Variants in PCDH15 observed in about 807,000 individuals in gnomAD.
PCDH15 encodes protocadherin-15.
Under a neutral mutation model 178.5 loss-of-function variants are expected in PCDH15, and 129 were observed. The observed-to-expected ratio is 0.72, with a 90% CI of 0.63 to 0.84. The LOEUF is 0.84. Among genes scored for constraint, PCDH15 ranks in the 40% least tolerant of loss-of-function variants. The pLI is 0.00. For missense variants in PCDH15, 2,230 were observed against 2,099.9 expected (o/e 1.06, Z -1.21); for synonymous variants, 800 against 732.0 (o/e 1.09, Z -1.50).
At chr10:54,440,414 T>C (rs1194126069) in intron 3 of PCDH15, among the ~76,000 whole-genome samples, 4 of 152,118 alleles carry the variant, frequency 2.6e-5, no homozygotes, top group East Asian at 1.9e-4. Flanking sequence ...TGAAATGACA[T>C]CATTTATCAT....
intron 3 of PCDH15, among the ~76,000 whole-genome samples, chr10:54,445,286 C>T (rs1337613255): frequency 6.6e-6 from 1 of 151,028 alleles, no homozygotes; most frequent in Non-Finnish European, 1.5e-5. Context: ...CCAAACTATA[C>T]AGGAAATGAA....
intron 3 of PCDH15, among the ~76,000 whole-genome samples, chr10:54,488,869 T>G (rs1337586142): frequency 6.6e-6 from 1 of 151,924 alleles, no homozygotes; most frequent in Non-Finnish European, 1.5e-5. Flanking sequence ...TTCCCAAGAG[T>G]AGGTTAGTTT....
chr10:54,168,902 T>A (rs371109941), intron 13 of PCDH15, among the ~76,000 whole-genome samples: 8 of 150,296 alleles, frequency 5.3e-5, no homozygotes, highest in South Asian at 4.2e-4. Context: ...AATAGAAAAA[T>A]GTTGCAATTC....
chr10:55,487,557 A>C (rs1157646723), intron 2 of PCDH15, among the ~76,000 whole-genome samples: 1 of 151,604 alleles, frequency 6.6e-6, no homozygotes, highest in Non-Finnish European at 1.5e-5. Context: ...GCCAGCAGTC[A>C]CAACTTTCTT....
intron 2 of PCDH15, among the ~76,000 whole-genome samples, chr10:55,609,046 G>A (rs894894151): frequency 2.7e-4 from 35 of 128,836 alleles, no homozygotes; most frequent in South Asian, 8.4e-4. Flanking sequence ...ACACACACAC[G>A]CACACACATA....
At chr10:54,867,224 T>C (rs1469650654) in intron 3 of PCDH15, among the ~76,000 whole-genome samples, 4 of 152,124 alleles carry the variant, frequency 2.6e-5, no homozygotes, top group African/African-American at 4.8e-5. Context: ...TTCCGTGGTA[T>C]AGTGTTGTGC....
At chr10:55,069,202 G>C (rs1841652059) in intron 2 of PCDH15, among the ~76,000 whole-genome samples, 1 of 144,694 alleles carries the variant, frequency 6.9e-6, no homozygotes, top group Admixed American at 6.9e-5. Flanking sequence ...CACCCAGACT[G>C]TATTATCTTT....
chr10:55,488,304 T>C (rs921165406), intron 2 of PCDH15, among the ~76,000 whole-genome samples: 1 of 151,618 alleles, frequency 6.6e-6, no homozygotes, highest in Non-Finnish European at 1.5e-5. Flanking sequence ...ATTTTCTCAA[T>C]AAACAACAAT....
At chr10:54,618,692 G>A (rs1016997478) in intron 2 of PCDH15, among the ~76,000 whole-genome samples, 3 of 151,982 alleles carry the variant, frequency 2.0e-5, no homozygotes, top group African/African-American at 7.2e-5. Flanking sequence ...GGCTATGTGG[G>A]CACCAGTGGA....
At chr10:55,088,075 A>C (rs2132032766) in intron 2 of PCDH15, among the ~76,000 whole-genome samples, 1 of 152,252 alleles carries the variant, frequency 6.6e-6, no homozygotes, top group African/African-American at 2.4e-5. Flanking sequence ...ACCAAATATT[A>C]ATTGTCTGGC....
At chr10:54,774,524 C>T (rs1286039676) in intron 1 of PCDH15, among the ~76,000 whole-genome samples, 2 of 152,124 alleles carry the variant, frequency 1.3e-5, no homozygotes, top group Non-Finnish European at 2.9e-5. Context: ...CACACAAGCA[C>T]ACATACATAC....
At chr10:54,238,690 C>CAA (rs2054903907) in intron 8 of PCDH15, among the ~76,000 whole-genome samples, 1 of 151,324 alleles carries the variant, frequency 6.6e-6, no homozygotes, top group Non-Finnish European at 1.5e-5. Context: ...CACACACACA[C>CAA]ACACACACAC....
upstream of PCDH15, among the ~76,000 whole-genome samples, chr10:54,801,804 G>A: frequency 6.6e-6 from 1 of 152,020 alleles, no homozygotes; most frequent in East Asian, 1.9e-4. Context: ...TAGTATATAA[G>A]GTTATCACGA....
At position 54,695,104 on chromosome 10, in the gene PCDH15, T is replaced by C. The variant is rs564994342; in HGVS notation, c.-28-30814A>G. 1.4e-4 allele frequency among the ~76,000 whole-genome samples: 21 copies of C among 152,160 alleles called. No homozygotes were observed. In the East Asian group the frequency reaches 3.9e-3, roughly 28 times the overall value. On this transcript the variant is annotated intron_variant, in intron 1 of 37. Coordinates refer to ENST00000644397, the MANE Select transcript of PCDH15 (RefSeq NM_001384140.1). Reference sequence around the variant, plus strand: ...GGGGAAGGGATAACATTAGGAGATATAACTAATGTTAAATGATGAGTTAAT... The same window carrying C: ...GGGGAAGGGATAACATTAGGAGATACAACTAATGTTAAATGATGAGTTAAT...
At chr10:54,351,587 A>G (rs971639866) in intron 5 of PCDH15, among the ~76,000 whole-genome samples, 5 of 152,128 alleles carry the variant, frequency 3.3e-5, no homozygotes, top group Non-Finnish European at 5.9e-5. Flanking sequence ...TAAATCCTCT[A>G]CAAGGCCTCT....
At chr10:55,099,734 A>G (rs1842532047) in intron 2 of PCDH15, among the ~76,000 whole-genome samples, 1 of 152,070 alleles carries the variant, frequency 6.6e-6, no homozygotes, top group African/African-American at 2.4e-5. Context: ...TTCAGCCAAT[A>G]AAGTGAAGTA....
intron 18 of PCDH15, among the ~76,000 whole-genome samples, chr10:54,029,832 A>G (rs539772500): frequency 6.6e-6 from 1 of 152,250 alleles, no homozygotes; most frequent in South Asian, 2.1e-4. Context: ...TAAAAGTGGA[A>G]GTCCATTACT....
intron 18 of PCDH15, 22 bp from the exon 19 acceptor site, chr10:54,023,219 C>CA (rs774014104): frequency 1.9e-6 from 3 of 1,605,894 alleles, no homozygotes; most frequent in South Asian, 2.2e-5. Flanking sequence ...AACAAAAAAA[C>CA]AAAAAAATTC....
At chr10:54,703,614 G>T (rs533620888) in intron 1 of PCDH15, among the ~76,000 whole-genome samples, 213 of 152,008 alleles carry the variant, frequency 1.4e-3, no homozygotes, top group African/African-American at 5.0e-3. Context: ...AATCAAGAAG[G>T]TAATTGCTTT....
Sources: gnomAD v4.1 joint callset for allele counts (sites outside exome capture counted in the v4.1 genomes callset) on GRCh38, gnomAD v4.1.1 for gene constraint, MANE v1.5 for transcripts, NCBI Gene and HGNC (gene_info 2026-07-23, HGNC 2026-07-21) for gene names.